The following AP3B1 variants were observed in gnomAD, a reference collection of about 807,000 sequenced individuals.
AP3B1 encodes AP-3 complex subunit beta-1.
A neutral mutation model predicts 132.5 loss-of-function variants in AP3B1; 61 were observed. That is an observed-to-expected ratio of 0.46 (90% CI 0.37 to 0.57). AP3B1 has a LOEUF of 0.57. Ranked by LOEUF, AP3B1 falls within the 20% of genes least tolerant of loss-of-function variation. The probability of loss-of-function intolerance (pLI) is 0.00; values close to 1 mark genes in which losing one functional copy is unlikely to be tolerated. For missense variants in AP3B1, 1,120 were observed against 1,289.4 expected, an observed-to-expected ratio of 0.87 and a Z score of 2.01; for synonymous variants, 388 against 438.3, an observed-to-expected ratio of 0.89 and a Z score of 1.43.
At chr5:78,018,899 CTG>C (rs1384690002) in intron 25 of AP3B1, among the ~76,000 whole-genome samples, 1 of 152,054 alleles carries the variant, frequency 6.6e-6, no homozygotes, top group Non-Finnish European at 1.5e-5. Flanking sequence ...ATTACCAAAC[CTG>C]CTGAAATCTA....
At chr5:78,030,535 T>C (rs959766553) in intron 24 of AP3B1, among the ~76,000 whole-genome samples, 4 of 152,226 alleles carry the variant, frequency 2.6e-5, no homozygotes, top group African/African-American at 7.2e-5. Flanking sequence ...ACTGCTTTTT[T>C]CTCTGCTTTG....
At chr5:78,289,469 A>G (rs532195327) in intron 1 of AP3B1, among the ~76,000 whole-genome samples, 181 of 152,330 alleles carry the variant, frequency 1.2e-3, no homozygotes, top group African/African-American at 4.1e-3. Flanking sequence ...TTGAATCTAA[A>G]CAAATGAAAA....
intron 22 of AP3B1, among the ~76,000 whole-genome samples, chr5:78,063,465 T>C (rs1749146855): frequency 6.6e-6 from 1 of 152,226 alleles, no homozygotes; most frequent in South Asian, 2.1e-4. Flanking sequence ...TGTAAACTCC[T>C]TTTATGGAAC....
At chr5:78,128,239 G>A (rs1228921082) in intron 16 of AP3B1, 79 bp from the exon 17 acceptor site, 4 of 1,294,718 alleles carry the variant, frequency 3.1e-6, no homozygotes, top group South Asian at 1.3e-5. Context: ...AGAGCTCAAG[G>A]TAATTGGCAT....
chr5:78,117,893 G>C (rs1005672133), intron 17 of AP3B1, among the ~76,000 whole-genome samples: 2 of 152,066 alleles, frequency 1.3e-5, no homozygotes, highest in Non-Finnish European at 2.9e-5. Flanking sequence ...GTATACTTCT[G>C]AAAAGATAAA....
At chr5:78,230,647 T>A (rs1353512524) in intron 3 of AP3B1, among the ~76,000 whole-genome samples, 1 of 152,118 alleles carries the variant, frequency 6.6e-6, no homozygotes, top group African/African-American at 2.4e-5. Context: ...TCCCAAGTTA[T>A]CCCGCTTCAC....
intron 21 of AP3B1, among the ~76,000 whole-genome samples, chr5:78,099,544 G>C (rs1280623301): frequency 1.3e-5 from 2 of 152,254 alleles, no homozygotes; most frequent in Non-Finnish European, 2.9e-5. Flanking sequence ...TTTAAAACAA[G>C]AAAGAAATAA....
intron 26 of AP3B1, among the ~76,000 whole-genome samples, chr5:78,005,688 G>T (rs2112033350): frequency 6.6e-6 from 1 of 152,342 alleles, no homozygotes; most frequent in South Asian, 2.1e-4. Flanking sequence ...TAAAGCGGAA[G>T]ACTAGAAGAT....
chr5:78,011,652 A>G (rs1746631758), intron 26 of AP3B1, among the ~76,000 whole-genome samples: 1 of 152,128 alleles, frequency 6.6e-6, no homozygotes, highest in South Asian at 2.1e-4. Flanking sequence ...GTTAGGAATC[A>G]TTTTCTATTA....
intron 2 of AP3B1, among the ~76,000 whole-genome samples, chr5:78,242,141 T>G (rs954254182): frequency 2.6e-5 from 4 of 152,100 alleles, no homozygotes; most frequent in Non-Finnish European, 5.9e-5. Context: ...CTGTCTGGAG[T>G]CCAAATGATT....
intron 14 of AP3B1, among the ~76,000 whole-genome samples, chr5:78,153,591 G>C (rs768173588): frequency 6.6e-6 from 1 of 151,954 alleles, no homozygotes; most frequent in Admixed American, 6.6e-5. Context: ...CTGCCATTTT[G>C]TTATTTGTTT....
At chr5:78,220,707 AAAGT>A (rs909884421) in intron 6 of AP3B1, among the ~76,000 whole-genome samples, 3 of 152,014 alleles carry the variant, frequency 2.0e-5, no homozygotes, top group African/African-American at 7.2e-5. Flanking sequence ...AAAAAAAAAA[AAAGT>A]AAGGGGAGAG....
chr5:78,281,434 C>CAAAA (rs36002317), intron 1 of AP3B1, among the ~76,000 whole-genome samples: 22 of 68,192 alleles, frequency 3.2e-4, no homozygotes, highest in South Asian at 1.1e-3. Flanking sequence ...AACTCTGCCT[C>CAAAA]AAAAAAAAAA....
chr5:78,220,136 G>A (rs926721279), intron 6 of AP3B1, among the ~76,000 whole-genome samples: 1 of 151,964 alleles, frequency 6.6e-6, no homozygotes, highest in African/African-American at 2.4e-5. Context: ...CCAAAAAAAG[G>A]TAATAATTAA....
At chr5:78,257,875 G>A (rs1048947848) in intron 2 of AP3B1, among the ~76,000 whole-genome samples, 18 of 151,814 alleles carry the variant, frequency 1.2e-4, no homozygotes, top group African/African-American at 4.4e-4. Flanking sequence ...CACACCTACA[G>A]AGAACTGAGA....
chr5:78,120,027 G>A (rs1404317062), intron 17 of AP3B1, among the ~76,000 whole-genome samples: 2 of 152,156 alleles, frequency 1.3e-5, no homozygotes, highest in Non-Finnish European at 2.9e-5. Context: ...GAGAGTGGGG[G>A]CCAATATTCC....
intron 7 of AP3B1, among the ~76,000 whole-genome samples, chr5:78,185,870 T>G (rs920858671): frequency 1.3e-5 from 2 of 151,966 alleles, no homozygotes; most frequent in Admixed American, 1.3e-4. Flanking sequence ...ACCCTATCTC[T>G]AAAAAATTTC....
chr5:78,208,113 A>G (rs1232248968), intron 7 of AP3B1, among the ~76,000 whole-genome samples: 1 of 152,034 alleles, frequency 6.6e-6, no homozygotes, highest in Non-Finnish European at 1.5e-5. Context: ...GAGAGAGAGA[A>G]GAAGAAAGCC....
chr5:78,051,664 G>A (rs763299125), intron 22 of AP3B1, among the ~76,000 whole-genome samples: 1 of 151,994 alleles, frequency 6.6e-6, no homozygotes, highest in Non-Finnish European at 1.5e-5. Context: ...TAGTTACCCA[G>A]TCATTAAGTA....
Sources: gnomAD v4.1 joint callset for allele counts (sites outside exome capture counted in the v4.1 genomes callset) on GRCh38, gnomAD v4.1.1 for gene constraint, MANE v1.5 for transcripts, NCBI Gene and HGNC (gene_info 2026-07-23, HGNC 2026-07-21) for gene names.